Variants in CDH9 observed in about 807,000 individuals in gnomAD.
CDH9 encodes the protein cadherin 9.
In CDH9, 28 loss-of-function variants were observed where a neutral mutation model predicts 70.9. The ratio of observed to expected loss-of-function variants is 0.40; its 90% CI spans 0.29 to 0.54. The LOEUF is 0.54. Among genes scored for constraint, CDH9 ranks in the 20% least tolerant of loss-of-function variants. The probability of loss-of-function intolerance (pLI) is 0.59; values close to 1 mark genes in which losing one functional copy is unlikely to be tolerated. For synonymous variants in CDH9, 409 were observed against 343.1 expected (o/e 1.19, Z -2.12); for missense variants, 874 against 984.4 (o/e 0.89, Z 1.50).
intron 1 of CDH9, among the ~76,000 whole-genome samples, chr5:26,994,834 A>G (rs1307428285): frequency 6.6e-6 from 1 of 152,122 alleles, no homozygotes; most frequent in African/African-American, 2.4e-5. Flanking sequence ...CACTTGCCCA[A>G]TTCACGGACT....
intron 1 of CDH9, among the ~76,000 whole-genome samples, chr5:27,012,969 T>C (rs1000759056): frequency 6.6e-6 from 1 of 151,954 alleles, no homozygotes; most frequent in Non-Finnish European, 1.5e-5. Flanking sequence ...GAGATGATAA[T>C]AATAGTCATT....
At chr5:26,889,729 T>C (rs972429759) in intron 9 of CDH9, 107 bp downstream of exon 9, 1 of 630,174 alleles carries the variant, frequency 1.6e-6, no homozygotes, top group Non-Finnish European at 2.7e-6. Flanking sequence ...ACAAGAAGTA[T>C]TGACAACAGC....
At chr5:26,927,039 A>G (rs1346240875) in intron 2 of CDH9, among the ~76,000 whole-genome samples, 2 of 151,954 alleles carry the variant, frequency 1.3e-5, no homozygotes, top group Non-Finnish European at 2.9e-5. Context: ...ATAACAGATT[A>G]AAAAGAATAT....
At chr5:26,904,757 C>CTT (rs1740916468) in intron 5 of CDH9, among the ~76,000 whole-genome samples, 1 of 151,990 alleles carries the variant, frequency 6.6e-6, no homozygotes, top group Non-Finnish European at 1.5e-5. Context: ...ATTCGCTAAA[C>CTT]TTTGATGTCT....
intron 7 of CDH9, among the ~76,000 whole-genome samples, chr5:26,895,105 T>C (rs1350835257): frequency 3.3e-5 from 5 of 152,072 alleles, no homozygotes; most frequent in African/African-American, 9.7e-5. Flanking sequence ...TGCATTCCTT[T>C]TTCTCTGCTG....
intron 1 of CDH9, among the ~76,000 whole-genome samples, chr5:27,025,266 A>G (rs1462484330): frequency 6.6e-6 from 1 of 152,122 alleles, no homozygotes; most frequent in Non-Finnish European, 1.5e-5. Flanking sequence ...GATATTTTTA[A>G]GGAAAGTTTT....
intron 1 of CDH9, among the ~76,000 whole-genome samples, chr5:27,028,962 A>C (rs886830864): frequency 4.6e-5 from 7 of 152,076 alleles, no homozygotes; most frequent in Middle Eastern, 3.4e-3. Context: ...GTGAACAACT[A>C]AAAGATTACT....
chr5:26,912,757 C>G (rs973019703), intron 3 of CDH9, among the ~76,000 whole-genome samples: 1 of 152,082 alleles, frequency 6.6e-6, no homozygotes, highest in African/African-American at 2.4e-5. Context: ...AATTGTCCAG[C>G]TATCTCTGTG....
At chr5:26,906,870 A>G (rs1305464217) in intron 3 of CDH9, 32 bp from the exon 4 acceptor site, 1 of 1,554,602 alleles carries the variant, frequency 6.4e-7, no homozygotes, top group South Asian at 1.2e-5. Flanking sequence ...AAACAGAGAC[A>G]TTTACATACT....
intron 2 of CDH9, among the ~76,000 whole-genome samples, chr5:26,918,389 C>T (rs1741183749): frequency 6.6e-6 from 1 of 152,180 alleles, no homozygotes; most frequent in Non-Finnish European, 1.5e-5. Flanking sequence ...ATATTCATCA[C>T]ATTTGATGTA....
chr5:27,029,656 A>C (rs1223225339), intron 1 of CDH9, among the ~76,000 whole-genome samples: 1 of 152,010 alleles, frequency 6.6e-6, no homozygotes, highest in Admixed American at 6.6e-5. Context: ...AGGCAATGAC[A>C]TAATCAGGTA....
At chr5:26,892,203 T>C (rs767067261) in intron 7 of CDH9, among the ~76,000 whole-genome samples, 1 of 152,260 alleles carries the variant, frequency 6.6e-6, no homozygotes, top group Non-Finnish European at 1.5e-5. Context: ...CATCAGACCA[T>C]GTTATGCCGT....
In CDH9 at chr5:26,917,397, T is replaced by C. The variant is rs182053945; in HGVS notation, c.229-1473A>G. Among the ~76,000 whole-genome samples the C allele has an allele frequency of 1.5e-4, 23 of 152,108 alleles. No homozygotes were observed. The East Asian group carries it at 4.1e-3, about 27-fold the overall frequency. ...CTATAATAAATAATAAACTATATATTTGAAATTATCAAGAAAGTAAATTTT... is the reference window on the plus strand; with the variant it reads ...CTATAATAAATAATAAACTATATATCTGAAATTATCAAGAAAGTAAATTTT... On this transcript the variant is annotated intron_variant, in intron 2 of 11. Coordinates refer to ENST00000231021, the MANE Select transcript of CDH9 (RefSeq NM_016279.4).
At chr5:26,914,701 G>A (rs1006658821) in intron 3 of CDH9, among the ~76,000 whole-genome samples, 2 of 151,928 alleles carry the variant, frequency 1.3e-5, no homozygotes, top group African/African-American at 2.4e-5. Context: ...GGATAAGTTT[G>A]TTTCTCCTTC....
At chr5:26,923,416 T>G (rs1741281536) in intron 2 of CDH9, among the ~76,000 whole-genome samples, 1 of 151,924 alleles carries the variant, frequency 6.6e-6, no homozygotes, top group Non-Finnish European at 1.5e-5. Flanking sequence ...CACACCTATA[T>G]ATACAAAGCA....
At chr5:26,945,662 C>T (rs1316832635) in intron 2 of CDH9, among the ~76,000 whole-genome samples, 8 of 152,120 alleles carry the variant, frequency 5.3e-5, no homozygotes. Context: ...TGCATATGGT[C>T]ATATCACATT....
At chr5:26,996,166 TCAGA>T (rs1343755839) in intron 1 of CDH9, among the ~76,000 whole-genome samples, 3 of 151,970 alleles carry the variant, frequency 2.0e-5, no homozygotes, top group Non-Finnish European at 2.9e-5. Context: ...ATCTTTTTCT[TCAGA>T]CAAAGTTTCT....
chr5:26,935,254 A>T (rs924396317), intron 2 of CDH9, among the ~76,000 whole-genome samples: 2 of 152,236 alleles, frequency 1.3e-5, no homozygotes, highest in Admixed American at 1.3e-4. Flanking sequence ...GACAAAGGAC[A>T]TCTACAAAAA....
chr5:26,931,434 G>T (rs554947255), intron 2 of CDH9, among the ~76,000 whole-genome samples: 2 of 151,882 alleles, frequency 1.3e-5, no homozygotes, highest in East Asian at 3.9e-4. Flanking sequence ...AATTTCAGAG[G>T]GTATAAAATA....
Sources: allele counts gnomAD v4.1 joint callset (sites outside exome capture counted in the v4.1 genomes callset), GRCh38; gene constraint gnomAD v4.1.1; transcripts MANE v1.5; gene names NCBI Gene and HGNC (gene_info 2026-07-23, HGNC 2026-07-21).